The following PBX1 variants were observed in gnomAD, a reference collection of about 807,000 sequenced individuals.
PBX1 encodes the protein pre-B-cell leukemia transcription factor 1.
A neutral mutation model predicts 53.4 loss-of-function variants in PBX1; 6 were observed. That is an observed-to-expected ratio of 0.11 (90% CI 0.06 to 0.22). The LOEUF (loss-of-function observed/expected upper bound fraction) is 0.22, where lower values mean the gene tolerates loss of function less well. PBX1 is among the 10% of genes least tolerant of loss of function. PBX1 has a pLI of 1.00. For missense variants in PBX1, 251 were observed against 551.4 expected (o/e 0.46, Z 5.46); for synonymous variants, 204 against 212.3 (o/e 0.96, Z 0.34).
chr1:164,615,126 C>G (rs991275398), intron 2 of PBX1, among the ~76,000 whole-genome samples: 2 of 152,128 alleles, frequency 1.3e-5, no homozygotes, highest in East Asian at 3.9e-4. Flanking sequence ...CTTAGGTAGT[C>G]AGGATTCTTC....
At chr1:164,734,368 A>C (rs906319276) in intron 2 of PBX1, among the ~76,000 whole-genome samples, 1 of 152,240 alleles carries the variant, frequency 6.6e-6, no homozygotes, top group Non-Finnish European at 1.5e-5. Context: ...ACAATACTAA[A>C]TTAGTCAGCT....
At chr1:164,882,407 G>A (rs953550254) in intron 2 of PBX1, among the ~76,000 whole-genome samples, 2 of 152,034 alleles carry the variant, frequency 1.3e-5, no homozygotes, top group African/African-American at 4.8e-5. Context: ...TAAGCCATGG[G>A]ATAATATTCT....
At chr1:164,576,274 A>G (rs1303879894) in intron 2 of PBX1, among the ~76,000 whole-genome samples, 2 of 152,050 alleles carry the variant, frequency 1.3e-5, no homozygotes, top group South Asian at 2.1e-4. Flanking sequence ...ACGCTGCACA[A>G]TTAGATTAGA....
At chr1:164,739,206 A>T (rs1009422550) in intron 2 of PBX1, among the ~76,000 whole-genome samples, 6 of 152,182 alleles carry the variant, frequency 3.9e-5, no homozygotes, top group African/African-American at 1.4e-4. Context: ...GCGCAAACCA[A>T]TCATAGACGT....
chr1:164,790,684 G>A (rs1262053020), intron 2 of PBX1, among the ~76,000 whole-genome samples: 2 of 152,170 alleles, frequency 1.3e-5, no homozygotes, highest in African/African-American at 4.8e-5. Context: ...TTTTGTGAGA[G>A]CCATACTGTA....
At chr1:164,708,148 C>T (rs554128013) in intron 2 of PBX1, among the ~76,000 whole-genome samples, 1 of 152,248 alleles carries the variant, frequency 6.6e-6, no homozygotes, top group South Asian at 2.1e-4. Context: ...AGAAGCAGAG[C>T]GAGGCAGAGT....
At chr1:164,795,262 A>G (rs541907356) in intron 3 of PBX1, among the ~76,000 whole-genome samples, 2 of 152,134 alleles carry the variant, frequency 1.3e-5, no homozygotes, top group African/African-American at 2.4e-5. Flanking sequence ...CCTTACCCCA[A>G]GGGCTCTTAT....
At chr1:164,794,559 T>A (rs114198413) in intron 3 of PBX1, among the ~76,000 whole-genome samples, 1 of 152,108 alleles carries the variant, frequency 6.6e-6, no homozygotes, top group Non-Finnish European at 1.5e-5. Flanking sequence ...CTCGCCACAG[T>A]GTTGGCTCAT....
chr1:164,589,286 A>AG (rs1282182682), intron 2 of PBX1, among the ~76,000 whole-genome samples: 1 of 151,920 alleles, frequency 6.6e-6, no homozygotes, highest in Non-Finnish European at 1.5e-5. Flanking sequence ...CAGCATTCCC[A>AG]AGTTGTTTGC....
intron 2 of PBX1, among the ~76,000 whole-genome samples, chr1:164,788,053 A>C (rs560837227): frequency 9.4e-4 from 143 of 152,012 alleles, no homozygotes; most frequent in African/African-American, 3.2e-3. Flanking sequence ...TATTTCAGAA[A>C]AAAGCTGCTG....
intron 2 of PBX1, among the ~76,000 whole-genome samples, chr1:164,636,857 A>T (rs1458547130): frequency 6.6e-6 from 1 of 151,776 alleles, no homozygotes; most frequent in African/African-American, 2.4e-5. Context: ...TGAGTTGGGG[A>T]TGTGTGGTTT....
chr1:164,832,835 A>G (rs1485997237), intron 8 of PBX1, among the ~76,000 whole-genome samples: 1 of 152,124 alleles, frequency 6.6e-6, no homozygotes, highest in African/African-American at 2.4e-5. Flanking sequence ...ACTGAAGAGA[A>G]TAATAAAAAC....
At position 164,563,286 on chromosome 1, in the gene PBX1, G is replaced by C. The variant is rs1571224510; in HGVS notation, c.240G>C (p.Val80=). 2 of 1,610,350 alleles carry C rather than the reference G, an allele frequency of 1.2e-6. No individual in the cohort carries two copies. Among genetic ancestry groups the C allele is most frequent in the Non-Finnish European group, 1.7e-6 (2 of 1,177,756 alleles). Residue 80 remains valine (V), a synonymous_variant, in exon 2 of 9, where the codon GTG becomes GTC. Transcript: ENST00000420696. The part of the protein sequence containing the change: ...CHRMKPALFN[V]LCEIKEKTVL... ...GAATGAAGCCTGCCTTGTTTAATGT[G>C]TTGTGTGAAATCAAAGAAAAAACAG...
chr1:164,824,661 A>G (rs1395464252), intron 8 of PBX1, among the ~76,000 whole-genome samples: 1 of 152,110 alleles, frequency 6.6e-6, no homozygotes, highest in Non-Finnish European at 1.5e-5. Context: ...TGCAAGGCCT[A>G]AAGACCCCCT....
chr1:164,710,108 G>A (rs1663668834), intron 2 of PBX1, among the ~76,000 whole-genome samples: 1 of 152,194 alleles, frequency 6.6e-6, no homozygotes, highest in Admixed American at 6.5e-5. Flanking sequence ...GTCAGTGTCT[G>A]ACACATACAC....
intron 2 of PBX1, among the ~76,000 whole-genome samples, chr1:164,758,643 C>T (rs1284310919): frequency 1.3e-5 from 2 of 152,146 alleles, no homozygotes; most frequent in African/African-American, 2.4e-5. Flanking sequence ...CAAGACAAGA[C>T]TGCAAATTAC....
chr1:164,788,758 C>CT lies in PBX1; in HGVS notation c.266-3736_266-3735insT, dbSNP rs997850027. Among the ~76,000 whole-genome samples the CT allele has an allele frequency of 1.9e-4, 26 of 139,386 alleles. No homozygotes were observed. The South Asian group carries it at 6.2e-3, about 33-fold the overall frequency. The allele number at this position is 139,386 out of a possible 152,430, so 91.4% of individuals were successfully genotyped here. On this transcript the variant is annotated intron_variant, in intron 2 of 8. Coordinates refer to ENST00000420696, the MANE Select transcript of PBX1 (RefSeq NM_002585.4). ...GTTTTTCTACCCGCCGCCCTCCCCC[C>CT]CCCGCCCTTTTCTTTTCATTCTTTT...
intron 2 of PBX1, among the ~76,000 whole-genome samples, chr1:164,716,979 G>C (rs955532863): frequency 1.3e-5 from 2 of 152,156 alleles, no homozygotes; most frequent in Non-Finnish European, 2.9e-5. Flanking sequence ...ATAGTTAAGA[G>C]AAAGGAGTTG....
At chr1:164,622,283 G>A (rs1657731592) in intron 2 of PBX1, among the ~76,000 whole-genome samples, 1 of 145,718 alleles carries the variant, frequency 6.9e-6, no homozygotes, top group Non-Finnish European at 1.6e-5. Flanking sequence ...TTTCTCTCTG[G>A]GCCGCACTGT....
Sources: allele counts gnomAD v4.1 joint callset (sites outside exome capture counted in the v4.1 genomes callset), GRCh38; gene constraint gnomAD v4.1.1; transcripts MANE v1.5; gene names NCBI Gene and HGNC (gene_info 2026-07-23, HGNC 2026-07-21).